The following WDR72 variants were observed in gnomAD, a reference collection of about 807,000 sequenced individuals.
WDR72 encodes WD repeat domain 72.
In WDR72, 120 loss-of-function variants were observed where a neutral mutation model predicts 124.2. That is an observed-to-expected ratio of 0.97 (90% CI 0.83 to 1.12). The LOEUF (loss-of-function observed/expected upper bound fraction) is 1.12, where lower values mean the gene tolerates loss of function less well. WDR72 is among the 50% of genes most tolerant of loss of function. WDR72 has a pLI of 0.00. For synonymous variants in WDR72, 452 were observed against 441.7 expected (o/e 1.02, Z -0.29); for missense variants, 1,387 against 1,278.8 (o/e 1.08, Z -1.29).
At chr15:53,677,823 T>C (rs2016228083) in intron 13 of WDR72, among the ~76,000 whole-genome samples, 1 of 152,130 alleles carries the variant, frequency 6.6e-6, no homozygotes, top group African/African-American at 2.4e-5. Flanking sequence ...CTCTTCTTTA[T>C]CATCATCATC....
chr15:53,529,097 T>C (rs1892286298), intron 18 of WDR72, among the ~76,000 whole-genome samples: 2 of 149,748 alleles, frequency 1.3e-5, no homozygotes, highest in African/African-American at 4.9e-5. Context: ...AAGGAAACCC[T>C]GTCTGACTTA....
intron 13 of WDR72, among the ~76,000 whole-genome samples, chr15:53,669,482 T>G (rs749298031): frequency 1.3e-5 from 2 of 152,216 alleles, no homozygotes; most frequent in Non-Finnish European, 2.9e-5. Context: ...TTTAGAGTTC[T>G]CTTCTTACTA....
At chr15:53,556,972 T>C (rs1391757184) in intron 18 of WDR72, among the ~76,000 whole-genome samples, 3 of 152,054 alleles carry the variant, frequency 2.0e-5, no homozygotes, top group East Asian at 1.9e-4. Context: ...AGAGCAATGA[T>C]AGAAAGGAGT....
chr15:53,758,852 T>C (rs1306264117), intron 1 of WDR72, among the ~76,000 whole-genome samples: 2 of 150,622 alleles, frequency 1.3e-5, no homozygotes, highest in Admixed American at 1.3e-4. Context: ...GTTAACTGTA[T>C]TGAAATGGAT....
At chr15:53,743,340 T>A (rs985630712) in intron 1 of WDR72, among the ~76,000 whole-genome samples, 1 of 152,250 alleles carries the variant, frequency 6.6e-6, no homozygotes, top group South Asian at 2.1e-4. Flanking sequence ...AAGCATAATA[T>A]TAAATTTAAG....
At chr15:53,742,698 C>CT (rs1452396731) in intron 1 of WDR72, among the ~76,000 whole-genome samples, 1 of 152,006 alleles carries the variant, frequency 6.6e-6, no homozygotes, top group Non-Finnish European at 1.5e-5. Flanking sequence ...AAGTTAGAGA[C>CT]TATATTATAG....
intron 3 of WDR72, among the ~76,000 whole-genome samples, chr15:53,722,595 G>C (rs2017907871): frequency 6.6e-6 from 1 of 152,194 alleles, no homozygotes; most frequent in South Asian, 2.1e-4. Flanking sequence ...CCAGCAACAA[G>C]AGTATTGAGT....
At chr15:53,603,218 CAG>C (rs1053499049) in intron 17 of WDR72, among the ~76,000 whole-genome samples, 22 of 152,076 alleles carry the variant, frequency 1.4e-4, no homozygotes, top group African/African-American at 5.1e-4. Context: ...ATCACATAAA[CAG>C]AACTAAAGAC....
At chr15:53,629,436 C>T in intron 14 of WDR72, among the ~76,000 whole-genome samples, 1 of 149,228 alleles carries the variant, frequency 6.7e-6, no homozygotes, top group East Asian at 2.0e-4. Context: ...AAAGAGAAAT[C>T]AGAGGAATGA....
chr15:53,718,712 C>A (rs960916991), intron 3 of WDR72, among the ~76,000 whole-genome samples: 11 of 147,078 alleles, frequency 7.5e-5, no homozygotes, highest in African/African-American at 3.0e-4. Context: ...TAGCTAAAAT[C>A]ACATTCTGTT....
intron 2 of WDR72, among the ~76,000 whole-genome samples, chr15:53,724,743 C>T (rs754940724): frequency 2.0e-5 from 3 of 152,282 alleles, no homozygotes; most frequent in East Asian, 1.9e-4. Context: ...ATATCATTTG[C>T]GGTAATCATT....
intron 18 of WDR72, among the ~76,000 whole-genome samples, chr15:53,533,190 G>A (rs1420129427): frequency 6.6e-6 from 1 of 152,210 alleles, no homozygotes; most frequent in South Asian, 2.1e-4. Context: ...AATTGAAGAG[G>A]CCATCCAAAG....
rs962171241 is a variant in WDR72 at position 53,682,360 on chromosome 15, A to G, written c.1766-16592T>C. ...TGTCTGTTTGCATGCACATGCATGT[A>G]AAGATGTACACTGGGTCTTGTCTCT... On this transcript the variant is annotated intron_variant, in intron 13 of 19. Transcript: ENST00000360509. 7.9e-5 allele frequency among the ~76,000 whole-genome samples: 12 copies of G among 152,220 alleles called. 1 individual carries two copies. Among genetic ancestry groups the G allele is most frequent in the Non-Finnish European group, 1.6e-4 (11 of 68,036 alleles).
chr15:53,691,620 C>CAGACAGACAGAT (rs1214944836), intron 13 of WDR72, among the ~76,000 whole-genome samples: 2 of 145,496 alleles, frequency 1.4e-5, no homozygotes, highest in South Asian at 2.2e-4. Context: ...GACAGACAGA[C>CAGACAGACAGAT]AGATAGATAG....
intron 1 of WDR72, among the ~76,000 whole-genome samples, chr15:53,758,964 G>A (rs7183948): frequency 0.31 from 47,211 of 151,712 alleles, 7,982 homozygotes; most frequent in South Asian, 0.46. Context: ...TGTCAGCACA[G>A]ACAGTCCCCC....
intron 13 of WDR72, among the ~76,000 whole-genome samples, chr15:53,688,509 A>ATG: frequency 6.6e-6 from 1 of 152,202 alleles, no homozygotes; most frequent in Non-Finnish European, 1.5e-5. Flanking sequence ...CTTGCAAGGG[A>ATG]AGTCAAGGAC....
intron 1 of WDR72, among the ~76,000 whole-genome samples, chr15:53,758,896 TAA>T (rs2018989841): frequency 2.6e-5 from 4 of 151,860 alleles, no homozygotes. Flanking sequence ...GAAGATGGTA[TAA>T]GTCAGCACCA....
At chr15:53,755,900 A>G (rs1282642438) in intron 1 of WDR72, among the ~76,000 whole-genome samples, 1 of 152,236 alleles carries the variant, frequency 6.6e-6, no homozygotes, top group Non-Finnish European at 1.5e-5. Flanking sequence ...CTAATAGAAA[A>G]GGTAGTCTCT....
chr15:53,600,120 T>C (rs1337328502), intron 17 of WDR72, among the ~76,000 whole-genome samples: 1 of 152,146 alleles, frequency 6.6e-6, no homozygotes, highest in Non-Finnish European at 1.5e-5. Context: ...GTTATTATAG[T>C]ATCTGGAATA....
Sources: allele counts gnomAD v4.1 joint callset (sites outside exome capture counted in the v4.1 genomes callset), GRCh38; gene constraint gnomAD v4.1.1; transcripts MANE v1.5; gene names NCBI Gene and HGNC (gene_info 2026-07-23, HGNC 2026-07-21).